ZDHHC24: variants seen among roughly 807,000 people sequenced by gnomAD.
ZDHHC24 encodes probable palmitoyltransferase ZDHHC24.
Under a neutral mutation model 23.2 loss-of-function variants are expected in ZDHHC24, and 17 were observed. That is an observed-to-expected ratio of 0.73 (90% CI 0.50 to 1.10). ZDHHC24 has a LOEUF of 1.10. ZDHHC24 is among the 50% of genes least tolerant of loss of function. ZDHHC24 has a pLI of 0.00. For missense variants in ZDHHC24, 366 were observed against 393.0 expected, an observed-to-expected ratio of 0.93 and a Z score of 0.58; for synonymous variants, 186 against 194.5, an observed-to-expected ratio of 0.96 and a Z score of 0.36.
At chr11:66,527,438 A>G in intron 3 of ZDHHC24, 2 of 256,342 alleles carry the variant, frequency 7.8e-6, no homozygotes, top group Non-Finnish European at 1.5e-5. Flanking sequence ...TGGGAGGCGG[A>G]GATGGGCAGA....
Position 66,526,679 on chromosome 11 carries a change from G to A in ZDHHC24, c.*21+257C>T, listed in dbSNP as rs755554027. The stretch of plus-strand genomic sequence containing the variant: ...GGCCTGATCATCAAGATCCTGAAGC[G>A]TACAGCAGTGTTTGTAGAGGGAGGA... On this transcript the variant is annotated intron_variant, in intron 4 of 4. Coordinates refer to the ZDHHC24 transcript ENST00000526986. 9.3e-6 allele frequency: 15 copies of A among 1,614,070 alleles called. No individual in the cohort carries two copies. The highest frequency in any genetic ancestry group is 3.3e-5 in the Admixed American group (2 of 60,000).
intron 2 of ZDHHC24, 89 bp from the exon 3 acceptor site, chr11:66,539,913 A>C: frequency 1.3e-4 from 165 of 1,296,132 alleles, no homozygotes; most frequent in Middle Eastern, 2.8e-4. Flanking sequence ...AGCAGGGCTC[A>C]TTCCTCCGCT....
At chr11:66,530,120 G>A (rs1256238768) in intron 2 of ZDHHC24, among the ~76,000 whole-genome samples, 1 of 152,122 alleles carries the variant, frequency 6.6e-6, no homozygotes, top group East Asian at 1.9e-4. Flanking sequence ...GTCCTCCTTT[G>A]TGAGAGCAGC....
downstream of ZDHHC24, chr11:66,530,833 CTG>C: frequency 6.2e-7 from 1 of 1,610,092 alleles, no homozygotes; most frequent in Non-Finnish European, 8.5e-7. Flanking sequence ...GCAGAGCACA[CTG>C]TACTCCGTGC....
At chr11:66,529,797 C>T in intron 2 of ZDHHC24, 1 of 1,609,772 alleles carries the variant, frequency 6.2e-7, no homozygotes, top group Non-Finnish European at 8.5e-7. Flanking sequence ...CCACCGTCAG[C>T]CTCTGGGACC....
downstream of ZDHHC24, chr11:66,531,698 T>C (rs1234614119): frequency 6.2e-7 from 1 of 1,614,060 alleles, no homozygotes; most frequent in South Asian, 1.1e-5. Context: ...CCTGGAGACC[T>C]TTGTGGAGAG....
At position 66,545,938 on chromosome 11, in the gene ZDHHC24, G is replaced by T; in HGVS notation, c.66C>A (p.Thr22=). The change falls in exon 1 of 3, where the codon ACC becomes ACA. Residue 22 remains threonine (T), a synonymous_variant. Coordinates refer to ENST00000310442, the MANE Select transcript of ZDHHC24 (RefSeq NM_207340.3). This position sits in a 1 kb window ranked among gnomAD's most constrained non-coding sequence, Gnocchi z 4.5. ...GAPAQLPLVL[T]ALWAAAVGLE... ...GGCCCACGGCCGCGGCCCACAGCGC[G>T]GTGAGCACGAGAGGCAGCTGCGCGG... The T allele has an allele frequency of 6.7e-7, 1 of 1,501,468 alleles. No homozygotes were observed. Among genetic ancestry groups the T allele is most frequent in the African/African-American group, 1.4e-5 (1 of 69,278 alleles). The allele number at this position is 1,501,468 out of a possible 1,614,324, so 93.0% of individuals were successfully genotyped here.
At chr11:66,540,752 T>C (rs986284796) in intron 2 of ZDHHC24, among the ~76,000 whole-genome samples, 1 of 150,838 alleles carries the variant, frequency 6.6e-6, no homozygotes, top group East Asian at 1.9e-4. Context: ...TTACTTAATG[T>C]GTGCCGCCAC....
At chr11:66,531,829 C>T, downstream of ZDHHC24, 2 of 1,611,148 alleles carry the variant, frequency 1.2e-6, no homozygotes, top group Admixed American at 1.7e-5. Context: ...CCTTAGGGGG[C>T]TCCTGGGTGG....
chr11:66,537,649 C>G lies in ZDHHC24; in HGVS notation c.*1880G>C, dbSNP rs1395629010. On this transcript the variant is annotated 3_prime_UTR_variant, in exon 3 of 3. Transcript: ENST00000310442. ...AGTAGATCAAGACCATCCTGGCCGG[C>G]CAGGAGTGGTGGCTCACACCTGTAA... The G allele has an allele frequency of 1.3e-5, 2 of 148,312 alleles. No homozygotes were observed. Among genetic ancestry groups the G allele is most frequent in the Non-Finnish European group, 3.0e-5 (2 of 66,900 alleles). The allele number at this position is 148,312 out of a possible 1,614,324, so 9.2% of individuals were successfully genotyped here.
intron 3 of ZDHHC24, among the ~76,000 whole-genome samples, chr11:66,527,273 T>C (rs940809038): frequency 8.6e-5 from 13 of 151,518 alleles, no homozygotes; most frequent in Non-Finnish European, 1.6e-4. Flanking sequence ...CTTGTCCAGT[T>C]TTTCCTGCCC....
intron 4 of ZDHHC24, among the ~76,000 whole-genome samples, chr11:66,521,987 G>A (rs559694336): frequency 3.3e-5 from 5 of 149,600 alleles, no homozygotes; most frequent in Admixed American, 2.0e-4. Context: ...GGAGGCCAAC[G>A]TGGGTGGATC....
In ZDHHC24 at chr11:66,526,344, C is replaced by T. The variant is rs376094770; in HGVS notation, c.*21+592G>A. Reference sequence around the variant, plus strand: ...GAAGTGTCCTTCTGGAGCTAGGCCTCCACTGGGACAGCCCAAGGGCTGGGT... The same window carrying T: ...GAAGTGTCCTTCTGGAGCTAGGCCTTCACTGGGACAGCCCAAGGGCTGGGT... On this transcript the variant is annotated intron_variant, in intron 4 of 4. Coordinates refer to the ZDHHC24 transcript ENST00000526986. The T allele has an allele frequency of 7.1e-5, 61 of 858,346 alleles. No homozygotes were observed. The African/African-American group carries it at 9.8e-4, about 14-fold the overall frequency. The allele number at this position is 858,346 out of a possible 1,614,324, so 53.2% of individuals were successfully genotyped here. A position where few individuals can be genotyped will look rare whatever the true frequency, so the allele number is the denominator to read the frequency against.
chr11:66,524,216 G>GT, intron 4 of ZDHHC24: 1 of 371,524 alleles, frequency 2.7e-6, no homozygotes, highest in Non-Finnish European at 5.2e-6. Context: ...GGAGGCGGAG[G>GT]TTGCAGTGAG....
rs1371267527 is a variant in ZDHHC24 at position 66,521,352 on chromosome 11, A to G, written c.*136T>C. ...TTCCGGCTTGCCGCGGCCTGCCGCA[A>G]TGGAAACATCTATATTCTGAGAAGG... is the stretch of plus-strand genomic sequence containing the variant. On this transcript the variant is annotated 3_prime_UTR_variant, in exon 5 of 5. Transcript: ENST00000526986. The G allele has an allele frequency of 1.1e-5, 17 of 1,614,084 alleles. No homozygotes were observed. The highest frequency in any genetic ancestry group is 2.7e-5 in the African/African-American group (2 of 74,948).
chr11:66,523,658 C>T, intron 4 of ZDHHC24: 1 of 1,610,814 alleles, frequency 6.2e-7, no homozygotes, highest in Non-Finnish European at 8.5e-7. Flanking sequence ...GGCTTCCCCA[C>T]CCCAGAAACC....
At chr11:66,521,534 G>C in intron 4 of ZDHHC24, 1 of 693,258 alleles carries the variant, frequency 1.4e-6, no homozygotes, top group African/African-American at 1.8e-5. Flanking sequence ...CACAGGGGAG[G>C]ATACCTGGAG....
At chr11:66,522,998 G>T (rs752628318) in intron 4 of ZDHHC24, 10 of 379,756 alleles carry the variant, frequency 2.6e-5, no homozygotes, top group Non-Finnish European at 4.7e-5. Context: ...GAATAGAGAG[G>T]AACTAACTGT....
At chr11:66,521,029 T>TTGAAA, downstream of ZDHHC24, 1 of 538,816 alleles carries the variant, frequency 1.9e-6, no homozygotes. Flanking sequence ...GCACGGTTGT[T>TTGAAA]TAAGTACATC....
Sources: allele counts gnomAD v4.1 joint callset (sites outside exome capture counted in the v4.1 genomes callset), GRCh38; gene constraint gnomAD v4.1.1; non-coding constraint Gnocchi (gnomAD v3.1); transcripts MANE v1.5; gene names NCBI Gene and HGNC (gene_info 2026-07-23, HGNC 2026-07-21).